The following RNLS variants were observed in gnomAD, a reference collection of about 807,000 sequenced individuals.
RNLS encodes the protein renalase.
In RNLS, 39 loss-of-function variants were observed where a neutral mutation model predicts 39.8. The observed-to-expected ratio is 0.98, with a 90% CI of 0.76 to 1.28. The LOEUF is 1.28. Among genes scored for constraint, RNLS ranks in the 50% most tolerant of loss-of-function variants. The pLI, the probability that RNLS is intolerant of heterozygous loss-of-function variation, is 0.00. For missense variants in RNLS, 410 were observed against 413.3 expected, an observed-to-expected ratio of 0.99 and a Z score of 0.07; for synonymous variants, 147 against 150.7, an observed-to-expected ratio of 0.98 and a Z score of 0.18.
chr10:88,526,262 T>C (rs1847093929), intron 4 of RNLS, among the ~76,000 whole-genome samples: 1 of 151,218 alleles, frequency 6.6e-6, no homozygotes, highest in Non-Finnish European at 1.5e-5. Flanking sequence ...GAAATCATAC[T>C]AGATGAATTT....
At chr10:88,218,073 A>T in the RNLS span, among the ~76,000 whole-genome samples, 1 of 151,770 alleles carries the variant, frequency 6.6e-6, no homozygotes, top group South Asian at 2.1e-4. Flanking sequence ...AAAATAAAAG[A>T]CTCCCGATTT....
chr10:88,474,838 G>A (rs142911924), intron 4 of RNLS, among the ~76,000 whole-genome samples: 34 of 152,292 alleles, frequency 2.2e-4, no homozygotes, highest in African/African-American at 7.9e-4. Flanking sequence ...TCAGCTCTTA[G>A]TCAAGTTGGC....
At chr10:88,499,456 T>C (rs1183835010) in intron 4 of RNLS, among the ~76,000 whole-genome samples, 1 of 152,150 alleles carries the variant, frequency 6.6e-6, no homozygotes, top group African/African-American at 2.4e-5. Context: ...CAGGCCTGTG[T>C]TCGTAACAGA....
Position 88,374,962 on chromosome 10 carries a change from C to G in RNLS, c.527-12237G>C, listed in dbSNP as rs111409879. On this transcript the variant is annotated intron_variant, in intron 4 of 6. Transcript: ENST00000331772. ...CTATAACCACAAATGACCTCCTCCC[C>G]ACTTGCTCTCATTCTTACCAGAAGT... Among the ~76,000 whole-genome samples, 24 of 152,238 alleles carry G rather than the reference C, an allele frequency of 1.6e-4. 1 individual carries two copies. The highest frequency in any genetic ancestry group is 1.2e-3 in the East Asian group (6 of 5,186).
chr10:88,503,978 A>G (rs1297127075), intron 4 of RNLS, among the ~76,000 whole-genome samples: 2 of 152,122 alleles, frequency 1.3e-5, no homozygotes, highest in African/African-American at 4.8e-5. Flanking sequence ...AGCCCTGGAG[A>G]GAGGGAAGCC....
intron 4 of RNLS, among the ~76,000 whole-genome samples, chr10:88,556,807 T>C (rs1564897479): frequency 6.6e-6 from 1 of 152,182 alleles, no homozygotes; most frequent in Non-Finnish European, 1.5e-5. Flanking sequence ...TCACACTATA[T>C]ACAAGAGTAT....
chr10:88,454,406 C>T (rs1842515368), intron 4 of RNLS, among the ~76,000 whole-genome samples: 1 of 152,164 alleles, frequency 6.6e-6, no homozygotes, highest in Admixed American at 6.5e-5. Flanking sequence ...CTGGAGAAGT[C>T]AGAGGAAGCA....
chr10:88,554,795 T>C (rs1410327676), intron 4 of RNLS, among the ~76,000 whole-genome samples: 1 of 152,146 alleles, frequency 6.6e-6, no homozygotes, highest in Non-Finnish European at 1.5e-5. Flanking sequence ...TCCTACATAA[T>C]CAATTTTCCC....
intron 4 of RNLS, among the ~76,000 whole-genome samples, chr10:88,428,510 G>A (rs982098623): frequency 6.6e-6 from 1 of 151,976 alleles, no homozygotes; most frequent in Non-Finnish European, 1.5e-5. Flanking sequence ...GACTGTCCAT[G>A]TGGTTTTGAC....
In RNLS at chr10:88,481,488, T is replaced by C. The variant is rs557522141; in HGVS notation, c.526+91415A>G. Among the ~76,000 whole-genome samples, 21 of 152,306 alleles carry C rather than the reference T, an allele frequency of 1.4e-4. No individual in the cohort carries two copies. The South Asian group carries it at 4.3e-3, about 32-fold the overall frequency. The stretch of plus-strand genomic sequence containing the variant: ...TATTTGGAATTATTTTCTTAATGGA[T>C]GCTTTAGCAATTACAATATGCATCC... On this transcript the variant is annotated intron_variant, in intron 4 of 6. Coordinates refer to ENST00000331772, the MANE Select transcript of RNLS (RefSeq NM_001031709.3).
At chr10:88,415,161 G>C (rs1384033253) in intron 4 of RNLS, among the ~76,000 whole-genome samples, 1 of 152,208 alleles carries the variant, frequency 6.6e-6, no homozygotes, top group Non-Finnish European at 1.5e-5. Flanking sequence ...AAACATTCCT[G>C]AGCATATGGG....
At chr10:88,350,412 C>T (rs1183875231) in intron 5 of RNLS, among the ~76,000 whole-genome samples, 5 of 152,030 alleles carry the variant, frequency 3.3e-5, no homozygotes, top group East Asian at 1.9e-4. Flanking sequence ...CCCTGGTGTG[C>T]GATGTTCTCC....
At chr10:88,479,531 A>G (rs549796482) in intron 4 of RNLS, among the ~76,000 whole-genome samples, 7 of 152,122 alleles carry the variant, frequency 4.6e-5, no homozygotes, top group Non-Finnish European at 1.0e-4. Context: ...TCCTCTATAA[A>G]TATTAGTGTC....
chr10:88,551,296 A>G (rs1234918572), intron 4 of RNLS, among the ~76,000 whole-genome samples: 1 of 152,226 alleles, frequency 6.6e-6, no homozygotes, highest in Non-Finnish European at 1.5e-5. Flanking sequence ...GGTCAATTTT[A>G]TCTAAAATTT....
At chr10:88,391,845 T>C (rs1193405239) in intron 4 of RNLS, among the ~76,000 whole-genome samples, 1 of 152,220 alleles carries the variant, frequency 6.6e-6, no homozygotes, top group African/African-American at 2.4e-5. Flanking sequence ...TAAGCTTTTT[T>C]GTCTTTTACT....
intron 4 of RNLS, among the ~76,000 whole-genome samples, chr10:88,427,355 A>G (rs10788598): frequency 0.7 from 105,936 of 151,888 alleles, 37,821 homozygotes; most frequent in African/African-American, 0.86. Flanking sequence ...TCTTTATGGC[A>G]TTTCAGAACA....
chr10:88,259,311 A>G, the RNLS span: 3 of 152,342 alleles, frequency 2.0e-5, no homozygotes, highest in South Asian at 2.1e-4. Context: ...TATCACATCA[A>G]TCTCTACAGG....
chr10:88,557,428 T>C (rs1316753776), intron 4 of RNLS, among the ~76,000 whole-genome samples: 1 of 152,102 alleles, frequency 6.6e-6, no homozygotes, highest in Non-Finnish European at 1.5e-5. Context: ...AATGAAAAAA[T>C]GTCAGACTTT....
chr10:88,253,107 G>T, the RNLS span, among the ~76,000 whole-genome samples: 2 of 152,178 alleles, frequency 1.3e-5, no homozygotes, highest in African/African-American at 4.8e-5. Context: ...ATGTCTCAGG[G>T]CAGTGAACTT....
Sources: allele counts gnomAD v4.1 joint callset (sites outside exome capture counted in the v4.1 genomes callset), GRCh38; gene constraint gnomAD v4.1.1; transcripts MANE v1.5; gene names NCBI Gene and HGNC (gene_info 2026-07-23, HGNC 2026-07-21).